STEAP1B: variants seen among roughly 807,000 people sequenced by gnomAD.
STEAP1B encodes STEAP family member 1B.
A neutral mutation model predicts 27.9 loss-of-function variants in STEAP1B; 13 were observed. The ratio of observed to expected loss-of-function variants is 0.47; its 90% CI spans 0.30 to 0.74. The LOEUF (loss-of-function observed/expected upper bound fraction) is 0.74. STEAP1B is among the 30% of genes least tolerant of loss of function. STEAP1B has a pLI of 0.06. For synonymous variants in STEAP1B, 86 were observed against 107.1 expected, an observed-to-expected ratio of 0.80 and a Z score of 1.22; for missense variants, 250 against 298.7, an observed-to-expected ratio of 0.84 and a Z score of 1.20.
intron 4 of STEAP1B, among the ~76,000 whole-genome samples, chr7:22,485,052 G>A (rs1786178032): frequency 6.6e-6 from 1 of 152,220 alleles, no homozygotes; most frequent in Admixed American, 6.5e-5. Context: ...TCTATTCCTG[G>A]AGAAGACGCT....
At chr7:22,458,247 GAACCAGAGAGAGAAAC>G (rs1280858123) in intron 4 of STEAP1B, among the ~76,000 whole-genome samples, 1 of 152,174 alleles carries the variant, frequency 6.6e-6, no homozygotes, top group Non-Finnish European at 1.5e-5. Context: ...ATACGAGGAA[GAACCAGAGAGAGAAAC>G]AAACATATTT....
At chr7:22,430,369 CA>C (rs1785166844) in intron 4 of STEAP1B, among the ~76,000 whole-genome samples, 1 of 152,184 alleles carries the variant, frequency 6.6e-6, no homozygotes, top group African/African-American at 2.4e-5. Context: ...ACTAATAGAA[CA>C]ACTATTCTCC....
chr7:22,471,905 AAAAAAAAAAAAAAG>A (rs1381980362), intron 4 of STEAP1B, among the ~76,000 whole-genome samples: 5 of 151,548 alleles, frequency 3.3e-5, no homozygotes, highest in Admixed American at 3.3e-4. Flanking sequence ...AAAAAAAAAA[AAAAAAAAAAAAAAG>A]TTTTCATATT....
intron 4 of STEAP1B, among the ~76,000 whole-genome samples, chr7:22,420,196 A>G (rs1403808548): frequency 6.6e-6 from 1 of 152,208 alleles, no homozygotes; most frequent in East Asian, 1.9e-4. Context: ...ATGGTGACTC[A>G]CTGGCTGAAC....
rs747931515 is a variant in STEAP1B, at chr7:22,441,084, AAG to A, written c.763-21250_763-21249del. ...GAAAATGTTATTTTCTATCTTTAAA[AAG>A]AGTTTTATTTTTATATTTTTAATGT... On this transcript the variant is annotated intron_variant, in intron 4 of 4. Coordinates refer to ENST00000678116, the MANE Select transcript of STEAP1B (RefSeq NM_001382447.1). Among the ~76,000 whole-genome samples, 123 of 151,916 alleles carry A rather than the reference AAG, an allele frequency of 8.1e-4. 1 individual carries two copies. In the Middle Eastern group the frequency reaches 0.014, roughly 17 times the overall value.
chr7:22,462,952 C>T (rs928816004), intron 4 of STEAP1B, among the ~76,000 whole-genome samples: 31 of 152,240 alleles, frequency 2.0e-4, no homozygotes, highest in Middle Eastern at 3.4e-3. Context: ...TATCTCATTG[C>T]GGTTTTGATT....
intron 4 of STEAP1B, among the ~76,000 whole-genome samples, chr7:22,490,089 T>C (rs10254375): frequency 0.32 from 48,259 of 152,114 alleles, 7,778 homozygotes; most frequent in Middle Eastern, 0.46. Flanking sequence ...GAATGTTTTC[T>C]ATCTTTTTGA....
At chr7:22,424,453 A>G (rs778095723) in intron 4 of STEAP1B, among the ~76,000 whole-genome samples, 32 of 152,384 alleles carry the variant, frequency 2.1e-4, no homozygotes, top group Non-Finnish European at 4.4e-4. Flanking sequence ...TTAAAGAGCT[A>G]TAATTGTCAC....
chr7:22,441,081 A>G (rs1785326304), intron 4 of STEAP1B, among the ~76,000 whole-genome samples: 1 of 151,798 alleles, frequency 6.6e-6, no homozygotes, highest in Non-Finnish European at 1.5e-5. Flanking sequence ...TTCTATCTTT[A>G]AAAAGAGTTT....
chr7:22,470,187 G>A (rs1390915971), intron 4 of STEAP1B, among the ~76,000 whole-genome samples: 1 of 152,142 alleles, frequency 6.6e-6, no homozygotes, highest in Admixed American at 6.5e-5. Flanking sequence ...AATACAAAAT[G>A]AGCCTGGAGT....
intron 4 of STEAP1B, among the ~76,000 whole-genome samples, chr7:22,458,367 G>A (rs1050423111): frequency 1.3e-5 from 2 of 152,190 alleles, no homozygotes; most frequent in Non-Finnish European, 2.9e-5. Flanking sequence ...TGTAACCAGG[G>A]AGGAGGAGGA....
At chr7:22,428,400 T>G (rs1348048163) in intron 4 of STEAP1B, among the ~76,000 whole-genome samples, 1 of 152,212 alleles carries the variant, frequency 6.6e-6, no homozygotes, top group Non-Finnish European at 1.5e-5. Context: ...TTGTAGATTT[T>G]GTCTTCTCAC....
intron 4 of STEAP1B, among the ~76,000 whole-genome samples, chr7:22,429,791 G>T (rs552453794): frequency 6.6e-6 from 1 of 152,152 alleles, no homozygotes; most frequent in Non-Finnish European, 1.5e-5. Context: ...GGAAAAGACT[G>T]TATAAACTTC....
intron 1 of STEAP1B, among the ~76,000 whole-genome samples, chr7:22,496,418 GT>G (rs1193186766): frequency 6.6e-6 from 1 of 152,048 alleles, no homozygotes; most frequent in African/African-American, 2.4e-5. Flanking sequence ...CGTTTATAAA[GT>G]CTATAGTAGT....
intron 4 of STEAP1B, among the ~76,000 whole-genome samples, chr7:22,429,406 C>A (rs1217437025): frequency 6.6e-6 from 1 of 152,110 alleles, no homozygotes; most frequent in Non-Finnish European, 1.5e-5. Flanking sequence ...GCATTTTTTT[C>A]AGAAGAATAC....
intron 4 of STEAP1B, among the ~76,000 whole-genome samples, chr7:22,432,516 C>A (rs7780041): frequency 0.033 from 5,095 of 152,178 alleles, 291 homozygotes; most frequent in African/African-American, 0.12. Context: ...GCAGAGGTTG[C>A]AGCCAGCTGA....
At chr7:22,481,678 C>T (rs145676719) in intron 4 of STEAP1B, among the ~76,000 whole-genome samples, 14 of 152,328 alleles carry the variant, frequency 9.2e-5, no homozygotes, top group African/African-American at 1.2e-4. Flanking sequence ...ACAAGACTCA[C>T]GTAACGGTCT....
chr7:22,450,540 G>A (rs1250794525), intron 4 of STEAP1B, among the ~76,000 whole-genome samples: 2 of 149,058 alleles, frequency 1.3e-5, no homozygotes, highest in African/African-American at 2.5e-5. Flanking sequence ...CTATGTGTCT[G>A]TTTTTATGCA....
chr7:22,435,906 G>C (rs1562567203), intron 4 of STEAP1B, among the ~76,000 whole-genome samples: 1 of 152,158 alleles, frequency 6.6e-6, no homozygotes, highest in African/African-American at 2.4e-5. Context: ...AGAATGACTT[G>C]CAGTTTCCTA....
Sources: allele counts gnomAD v4.1 joint callset (sites outside exome capture counted in the v4.1 genomes callset), GRCh38; gene constraint gnomAD v4.1.1; transcripts MANE v1.5; gene names NCBI Gene and HGNC (gene_info 2026-07-23, HGNC 2026-07-21).